PPM1E: variants seen among roughly 807,000 people sequenced by gnomAD.
PPM1E encodes protein phosphatase, Mg2+/Mn2+ dependent 1E, also known as protein phosphatase 1E.
Under a neutral mutation model 65.9 loss-of-function variants are expected in PPM1E, and 20 were observed. The ratio of observed to expected loss-of-function variants is 0.30; its 90% CI spans 0.21 to 0.44. The LOEUF (loss-of-function observed/expected upper bound fraction) is 0.44, where lower values mean the gene tolerates loss of function less well. PPM1E is among the 20% of genes least tolerant of loss of function. The pLI is 1.00. For synonymous variants in PPM1E, 352 were observed against 374.9 expected (o/e 0.94, Z 0.70); for missense variants, 713 against 953.1 (o/e 0.75, Z 3.32).
intron 1 of PPM1E, among the ~76,000 whole-genome samples, chr17:58,817,795 A>G (rs996243678): frequency 1.3e-5 from 2 of 151,292 alleles, no homozygotes; most frequent in Admixed American, 6.6e-5. Context: ...TCTGTCGCCC[A>G]GGCTCGAGTG....
chr17:58,961,714 C>T (rs140528933), intron 2 of PPM1E, among the ~76,000 whole-genome samples: 28 of 152,158 alleles, frequency 1.8e-4, no homozygotes, highest in African/African-American at 6.3e-4. Context: ...CCTGTGTTGC[C>T]CTATGTGGGA....
At chr17:58,968,805 G>A (rs2030418552) in intron 3 of PPM1E, among the ~76,000 whole-genome samples, 1 of 152,166 alleles carries the variant, frequency 6.6e-6, no homozygotes, top group Admixed American at 6.5e-5. Context: ...ACAAAGCACA[G>A]GGTTGGAAGA....
At chr17:58,845,959 G>T (rs974183602) in intron 1 of PPM1E, among the ~76,000 whole-genome samples, 1 of 152,162 alleles carries the variant, frequency 6.6e-6, no homozygotes, top group South Asian at 2.1e-4. Flanking sequence ...GGTATTATAC[G>T]CATGAGCCAC....
chr17:58,958,819 T>C (rs2029932161), intron 2 of PPM1E, among the ~76,000 whole-genome samples: 1 of 152,068 alleles, frequency 6.6e-6, no homozygotes, highest in South Asian at 2.1e-4. Flanking sequence ...AGAGTCTCGC[T>C]CTTCCTTCAA....
At chr17:58,927,161 C>CT (rs2051833574) in intron 1 of PPM1E, among the ~76,000 whole-genome samples, 1 of 134,440 alleles carries the variant, frequency 7.4e-6, no homozygotes, top group Non-Finnish European at 1.5e-5. Context: ...GAATCTCGCT[C>CT]TGTCGCCCAG....
chr17:58,787,732 C>T (rs1338202036), intron 1 of PPM1E, among the ~76,000 whole-genome samples: 1 of 151,664 alleles, frequency 6.6e-6, no homozygotes, highest in Non-Finnish European at 1.5e-5. Context: ...AGGGTGAAAC[C>T]CCATCTCTAC....
At chr17:58,805,990 C>CA (rs1168126201) in intron 1 of PPM1E, among the ~76,000 whole-genome samples, 73 of 71,360 alleles carry the variant, frequency 1.0e-3, no homozygotes, top group Middle Eastern at 9.1e-3. Flanking sequence ...AAAAACAAAA[C>CA]AAAACAAAAC....
At chr17:58,787,878 G>A (rs1424997479) in intron 1 of PPM1E, among the ~76,000 whole-genome samples, 1 of 145,326 alleles carries the variant, frequency 6.9e-6, no homozygotes, top group Non-Finnish European at 1.5e-5. Context: ...CTGCACTCCA[G>A]CCTGGGCAAC....
rs1423369860 is a variant in PPM1E at position 58,864,409 on chromosome 17, G to A, written c.465-91240G>A. On this transcript the variant is annotated intron_variant, in intron 1 of 6. Transcript: ENST00000308249. ...TAATCCCATCAGTTTGGGAGGCTGA[G>A]GTGGGTGGATCACCTGAGGTCAGGA... 5.9e-5 allele frequency among the ~76,000 whole-genome samples: 9 copies of A among 152,310 alleles called. No individual in the cohort carries two copies. In the East Asian group the frequency reaches 1.7e-3, roughly 29 times the overall value.
At chr17:58,919,716 G>T (rs916301407) in intron 1 of PPM1E, among the ~76,000 whole-genome samples, 1 of 150,716 alleles carries the variant, frequency 6.6e-6, no homozygotes, top group Non-Finnish European at 1.5e-5. Context: ...GAACCAGGGA[G>T]GGGGAGGTTG....
At chr17:58,924,405 G>A (rs770377997) in intron 1 of PPM1E, among the ~76,000 whole-genome samples, 1 of 151,962 alleles carries the variant, frequency 6.6e-6, no homozygotes, top group Non-Finnish European at 1.5e-5. Context: ...TAAAAATTTA[G>A]CTGGGTGTGG....
At chr17:58,817,099 A>T (rs1313957617) in intron 1 of PPM1E, among the ~76,000 whole-genome samples, 1 of 151,292 alleles carries the variant, frequency 6.6e-6, no homozygotes, top group Non-Finnish European at 1.5e-5. Flanking sequence ...TAGCCTCAGA[A>T]TCTCATTTTT....
chr17:58,885,053 A>G (rs2051249611), intron 1 of PPM1E, among the ~76,000 whole-genome samples: 2 of 151,872 alleles, frequency 1.3e-5, no homozygotes, highest in South Asian at 2.1e-4. Context: ...TATTTTAACA[A>G]TCTTATTTTA....
At chr17:58,775,539 T>C (rs2049985049) in intron 1 of PPM1E, among the ~76,000 whole-genome samples, 1 of 152,190 alleles carries the variant, frequency 6.6e-6, no homozygotes, top group Non-Finnish European at 1.5e-5. Flanking sequence ...ATTCAGCCTA[T>C]ATCTAAACAA....
rs1288455188 is a variant in PPM1E at position 58,791,042 on chromosome 17, A to G, written c.464+34581A>G. ...GTAACTGGGACTACAGGTGCCCGCC[A>G]CCCTGCCCGGCTAATTTTTTTGTAT... On this transcript the variant is annotated intron_variant, in intron 1 of 6. Transcript: ENST00000308249. Among the ~76,000 whole-genome samples, 4 of 151,826 alleles carry G rather than the reference A, an allele frequency of 2.6e-5. No homozygotes were observed. The East Asian group carries it at 7.7e-4, about 29-fold the overall frequency.
chr17:58,888,983 A>G (rs1216500789), intron 1 of PPM1E, among the ~76,000 whole-genome samples: 5 of 152,126 alleles, frequency 3.3e-5, no homozygotes. Flanking sequence ...TCTTAGGTTC[A>G]TTTCTTTAAT....
intron 1 of PPM1E, among the ~76,000 whole-genome samples, chr17:58,857,271 T>A (rs555610285): frequency 6.6e-6 from 1 of 152,268 alleles, no homozygotes; most frequent in African/African-American, 2.4e-5. Flanking sequence ...TTTTTTTTTT[T>A]ACTTTGAATC....
intron 1 of PPM1E, among the ~76,000 whole-genome samples, chr17:58,955,075 T>C (rs1167725864): frequency 1.3e-5 from 2 of 151,842 alleles, no homozygotes; most frequent in Non-Finnish European, 2.9e-5. Context: ...TCTATAAAAC[T>C]TATCCTGGTC....
chr17:58,811,077 C>T (rs1426882885), intron 1 of PPM1E, among the ~76,000 whole-genome samples: 1 of 152,046 alleles, frequency 6.6e-6, no homozygotes, highest in African/African-American at 2.4e-5. Context: ...AGGCTGGTCT[C>T]GAATTCCTGA....
Sources: gnomAD v4.1 joint callset for allele counts (sites outside exome capture counted in the v4.1 genomes callset) on GRCh38, gnomAD v4.1.1 for gene constraint, MANE v1.5 for transcripts, NCBI Gene and HGNC (gene_info 2026-07-23, HGNC 2026-07-21) for gene names.